The following CNTN5 variants were observed in gnomAD, a reference collection of about 807,000 sequenced individuals.
CNTN5 encodes the protein contactin 5.
In CNTN5, 77 loss-of-function variants were observed where a neutral mutation model predicts 129.1. The observed-to-expected ratio is 0.60, with a 90% CI of 0.50 to 0.72. The LOEUF (loss-of-function observed/expected upper bound fraction) is 0.72. CNTN5 is among the 30% of genes least tolerant of loss of function. The pLI, the probability that CNTN5 is intolerant of heterozygous loss-of-function variation, is 0.00. For missense variants in CNTN5, 1,478 were observed against 1,328.8 expected, an observed-to-expected ratio of 1.11 and a Z score of -1.75; for synonymous variants, 509 against 465.6, an observed-to-expected ratio of 1.09 and a Z score of -1.20.
chr11:99,480,508 G>C (rs1449399942), intron 2 of CNTN5, among the ~76,000 whole-genome samples: 1 of 152,078 alleles, frequency 6.6e-6, no homozygotes, highest in Non-Finnish European at 1.5e-5. Context: ...AGAACATATG[G>C]AACAATGGCT....
intron 3 of CNTN5, among the ~76,000 whole-genome samples, chr11:99,608,020 C>G (rs1400679173): frequency 7.1e-6 from 1 of 140,872 alleles, no homozygotes; most frequent in Non-Finnish European, 1.5e-5. Flanking sequence ...TTAGTGGGTG[C>G]AGCGCACCAG....
At chr11:99,192,870 C>A (rs1169529145) in intron 1 of CNTN5, among the ~76,000 whole-genome samples, 1 of 152,018 alleles carries the variant, frequency 6.6e-6, no homozygotes, top group Non-Finnish European at 1.5e-5. Context: ...TCAACAGATG[C>A]CCATATAACA....
At chr11:99,600,509 A>C (rs1330717745) in intron 3 of CNTN5, among the ~76,000 whole-genome samples, 1 of 152,182 alleles carries the variant, frequency 6.6e-6, no homozygotes, top group African/African-American at 2.4e-5. Flanking sequence ...GCCTGAGTAC[A>C]TCTAGGCTAA....
chr11:99,153,815 C>CTT (rs60782977), intron 1 of CNTN5, among the ~76,000 whole-genome samples: 1,770 of 103,248 alleles, frequency 0.017, 40 homozygotes, highest in African/African-American at 0.052. Flanking sequence ...CTTTGAATGG[C>CTT]TTTTTTTTTT....
intron 10 of CNTN5, among the ~76,000 whole-genome samples, chr11:100,066,623 A>T (rs557907942): frequency 3.5e-4 from 54 of 152,186 alleles, no homozygotes; most frequent in African/African-American, 1.3e-3. Flanking sequence ...ATGTCTCTTC[A>T]GTTTTCCACA....
intron 1 of CNTN5, among the ~76,000 whole-genome samples, chr11:99,180,393 C>T (rs193212267): frequency 6.6e-6 from 1 of 152,228 alleles, no homozygotes; most frequent in East Asian, 1.9e-4. Context: ...CATGAAGTTT[C>T]GGCGCAGTCT....
At position 99,466,084 on chromosome 11, in the gene CNTN5, G is replaced by A. The variant is rs182988439; in HGVS notation, c.-70-90061G>A. ...TTTTTAGTAGAGGTGGGGTTTCACC[G>A]TGTTAGCCAGGATGGCCTCGATCTC... On this transcript the variant is annotated intron_variant, in intron 2 of 24. Coordinates refer to ENST00000524871, the MANE Select transcript of CNTN5 (RefSeq NM_014361.4). Among the ~76,000 whole-genome samples, 496 of 152,018 alleles carry A rather than the reference G, an allele frequency of 3.3e-3. 4 individuals are homozygous for A. The highest frequency in any genetic ancestry group is 0.011 in the African/African-American group (471 of 41,472).
rs1357206092 is a variant in CNTN5 at position 100,282,018 on chromosome 11, T to C, written c.2314+10777T>C. 2.0e-5 allele frequency among the ~76,000 whole-genome samples: 3 copies of C among 150,886 alleles called. No homozygotes were observed. In the East Asian group the frequency reaches 5.8e-4, roughly 29 times the overall value. ...TCTATTTTTTTTTTTTTTTTTTTAC[T>C]TTCCTCATAACAGCTATTTTGATTT... On this transcript the variant is annotated intron_variant, in intron 18 of 24. Transcript: ENST00000524871.
In CNTN5 at chr11:99,111,073, T is replaced by C. The variant is rs189065243; in HGVS notation, c.-210+89803T>C. Among the ~76,000 whole-genome samples the C allele has an allele frequency of 1.1e-3, 170 of 152,260 alleles. 1 individual carries two copies. Among genetic ancestry groups the C allele is most frequent in the African/African-American group, 3.9e-3 (162 of 41,574 alleles). ...AGTATGAATGAAATTTAAAATTGTG[T>C]CTACCCATGACTAGATACATATTTT... is the stretch of plus-strand genomic sequence containing the variant. On this transcript the variant is annotated intron_variant, in intron 1 of 24. Coordinates refer to ENST00000524871, the MANE Select transcript of CNTN5 (RefSeq NM_014361.4).
At chr11:100,193,851 C>G (rs12221728) in intron 15 of CNTN5, among the ~76,000 whole-genome samples, 188 bp downstream of exon 15, 29,028 of 151,546 alleles carry the variant, frequency 0.19, 3,071 homozygotes, top group Non-Finnish European at 0.24. Flanking sequence ...TATTTTAAAA[C>G]CCCCAGTAAA....
At chr11:99,637,113 A>C (rs1951592567) in intron 3 of CNTN5, among the ~76,000 whole-genome samples, 1 of 150,594 alleles carries the variant, frequency 6.6e-6, no homozygotes, top group Admixed American at 6.6e-5. Flanking sequence ...TCTCTTTGGC[A>C]AAGTGTCCTA....
chr11:99,339,031 A>T (rs990419147), intron 2 of CNTN5, among the ~76,000 whole-genome samples: 1 of 144,760 alleles, frequency 6.9e-6, no homozygotes, highest in African/African-American at 2.5e-5. Flanking sequence ...TATAGCCATG[A>T]ATCATTTTAT....
intron 13 of CNTN5, among the ~76,000 whole-genome samples, chr11:100,180,038 A>T (rs1213227856): frequency 6.6e-6 from 1 of 152,064 alleles, no homozygotes; most frequent in Admixed American, 6.6e-5. Flanking sequence ...GGTGGGGCAG[A>T]TACTTCCCAA....
chr11:99,686,788 A>G (rs914145462), intron 3 of CNTN5, among the ~76,000 whole-genome samples: 1 of 152,140 alleles, frequency 6.6e-6, no homozygotes, highest in African/African-American at 2.4e-5. Flanking sequence ...GTCTCCTTCT[A>G]GAATCATACA....
chr11:99,751,746 A>C (rs1555098458), intron 3 of CNTN5, among the ~76,000 whole-genome samples: 1 of 152,338 alleles, frequency 6.6e-6, no homozygotes, highest in Middle Eastern at 3.4e-3. Flanking sequence ...CATAGGCTAT[A>C]GTTTGAATGT....
chr11:99,533,037 A>G (rs917790256), intron 2 of CNTN5, among the ~76,000 whole-genome samples: 1 of 152,230 alleles, frequency 6.6e-6, no homozygotes, highest in Non-Finnish European at 1.5e-5. Flanking sequence ...AGCCTGGCCA[A>G]CATGGCAAAA....
intron 3 of CNTN5, among the ~76,000 whole-genome samples, chr11:99,711,410 AT>A (rs1261014298): frequency 6.6e-6 from 1 of 151,930 alleles, no homozygotes; most frequent in African/African-American, 2.4e-5. Context: ...GTATAATAAA[AT>A]AATATTAGTT....
chr11:100,202,790 C>T (rs929385712), intron 15 of CNTN5, among the ~76,000 whole-genome samples: 4 of 151,852 alleles, frequency 2.6e-5, no homozygotes, highest in Admixed American at 2.0e-4. Context: ...CACTGAGCCC[C>T]AGGAAGGAAG....
intron 2 of CNTN5, among the ~76,000 whole-genome samples, chr11:99,384,900 C>G (rs1940828798): frequency 6.6e-6 from 1 of 152,090 alleles, no homozygotes; most frequent in Admixed American, 6.6e-5. Flanking sequence ...AATTCAAAGT[C>G]TACCCCCCTA....
Sources: gnomAD v4.1 joint callset for allele counts (sites outside exome capture counted in the v4.1 genomes callset) on GRCh38, gnomAD v4.1.1 for gene constraint, MANE v1.5 for transcripts, NCBI Gene and HGNC (gene_info 2026-07-23, HGNC 2026-07-21) for gene names.